Variants in FTO observed in about 807,000 individuals in gnomAD.
FTO encodes the protein FTO alpha-ketoglutarate dependent dioxygenase, also known as alpha-ketoglutarate-dependent dioxygenase FTO.
In FTO, 47 loss-of-function variants were observed where a neutral mutation model predicts 63.9. That is an observed-to-expected ratio of 0.74 (90% confidence interval 0.58 to 0.94). FTO has a LOEUF of 0.94. Among genes scored for constraint, FTO ranks in the 40% least tolerant of loss-of-function variants. The pLI, the probability that FTO is intolerant of heterozygous loss-of-function variation, is 0.00. For synonymous variants in FTO, 207 were observed against 224.4 expected (o/e 0.92, Z 0.69); for missense variants, 562 against 618.1 (o/e 0.91, Z 0.96).
intron 8 of FTO, among the ~76,000 whole-genome samples, chr16:54,081,079 T>C (rs879618901): frequency 2.6e-5 from 4 of 152,136 alleles, no homozygotes; most frequent in African/African-American, 4.8e-5. Context: ...GGATTTTTTT[T>C]CCCCCTTTTG....
chr16:53,750,372 G>T (rs779108781), intron 1 of FTO, among the ~76,000 whole-genome samples: 5 of 151,848 alleles, frequency 3.3e-5, no homozygotes, highest in Admixed American at 6.6e-5. Context: ...TGAGTAACTG[G>T]GATTACAGGT....
At chr16:54,066,363 A>G (rs924296934) in intron 8 of FTO, among the ~76,000 whole-genome samples, 1 of 152,158 alleles carries the variant, frequency 6.6e-6, no homozygotes, top group Non-Finnish European at 1.5e-5. Flanking sequence ...AGCCCTTCCA[A>G]CTTTTAGACC....
intron 5 of FTO, among the ~76,000 whole-genome samples, chr16:53,878,885 G>A (rs2080742924): frequency 1.3e-5 from 2 of 152,194 alleles, no homozygotes; most frequent in African/African-American, 2.4e-5. Flanking sequence ...GTGCCTTGAG[G>A]GCTTAAGCCA....
chr16:53,933,709 A>G (rs2082329184), intron 7 of FTO, among the ~76,000 whole-genome samples: 1 of 152,124 alleles, frequency 6.6e-6, no homozygotes, highest in South Asian at 2.1e-4. Flanking sequence ...GAAAAAAAAA[A>G]TCGTTGGTGT....
intron 4 of FTO, among the ~76,000 whole-genome samples, chr16:53,853,115 A>G (rs1044208437): frequency 7.9e-5 from 12 of 152,210 alleles, no homozygotes; most frequent in Admixed American, 2.0e-4. Flanking sequence ...CAACATGGCG[A>G]AACCCCATCT....
chr16:53,707,477 C>T (rs867209874), intron 1 of FTO, among the ~76,000 whole-genome samples: 148 of 152,242 alleles, frequency 9.7e-4, no homozygotes, highest in African/African-American at 3.2e-3. Flanking sequence ...TCACACGTGC[C>T]GGGTTTTTGG....
intron 8 of FTO, among the ~76,000 whole-genome samples, chr16:53,975,804 A>G (rs1221086634): frequency 6.6e-6 from 1 of 152,204 alleles, no homozygotes; most frequent in Non-Finnish European, 1.5e-5. Flanking sequence ...TCACCCAAGC[A>G]ATGAAGATTT....
chr16:53,738,457 C>T (rs907803012), intron 1 of FTO, among the ~76,000 whole-genome samples: 1 of 152,112 alleles, frequency 6.6e-6, no homozygotes, highest in African/African-American at 2.4e-5. Context: ...AATAATATTC[C>T]ATTATATGGA....
intron 1 of FTO, among the ~76,000 whole-genome samples, chr16:53,718,593 T>C (rs1189388327): frequency 1.3e-5 from 2 of 152,148 alleles, no homozygotes; most frequent in African/African-American, 2.4e-5. Flanking sequence ...TCAACAGTTA[T>C]ACTTCGGGAT....
chr16:54,047,113 G>A (rs2085187628), intron 8 of FTO, among the ~76,000 whole-genome samples: 1 of 108,140 alleles, frequency 9.2e-6, no homozygotes, highest in South Asian at 4.0e-4. Flanking sequence ...TGACAAATGG[G>A]ATCTAATTAA....
At chr16:54,044,811 A>G (rs1358204309) in intron 8 of FTO, among the ~76,000 whole-genome samples, 8 of 82,606 alleles carry the variant, frequency 9.7e-5, no homozygotes, top group Non-Finnish European at 1.4e-4. Flanking sequence ...ATCTCACTCA[A>G]AGCCGCTCAA....
At position 53,803,490 on chromosome 16, in the gene FTO, G is replaced by A. The variant is rs74679663; in HGVS notation, c.46-6650G>A. On this transcript the variant is annotated intron_variant, in intron 1 of 8. Coordinates refer to ENST00000471389, the MANE Select transcript of FTO (RefSeq NM_001080432.3). ...GCCAGGACTTGAGGGTCCAAGAGCA[G>A]TGGCTGTAAGTATTGGTTTTAAAAA... is the stretch of plus-strand genomic sequence containing the variant. Among the ~76,000 whole-genome samples, 222 of 152,364 alleles carry A rather than the reference G, an allele frequency of 1.5e-3. 1 individual carries two copies. Among genetic ancestry groups the A allele is most frequent in the Admixed American group, 2.6e-3 (40 of 15,304 alleles).
chr16:53,971,168 T>A (rs2083308687), intron 8 of FTO, among the ~76,000 whole-genome samples: 1 of 152,236 alleles, frequency 6.6e-6, no homozygotes, highest in Non-Finnish European at 1.5e-5. Context: ...ATATGCAAAA[T>A]CATTTCCTTA....
chr16:54,092,984 T>A (rs191909009), intron 8 of FTO, among the ~76,000 whole-genome samples: 1 of 152,236 alleles, frequency 6.6e-6, no homozygotes, highest in Non-Finnish European at 1.5e-5. Context: ...TTAGAGGTAG[T>A]TGCATTGTAA....
At chr16:53,909,532 C>CTTTTTTT (rs58121446) in intron 7 of FTO, among the ~76,000 whole-genome samples, 23 of 71,184 alleles carry the variant, frequency 3.2e-4, no homozygotes, top group African/African-American at 1.6e-3. Flanking sequence ...AGAGCCCCGC[C>CTTTTTTT]TTTTTTTTTT....
intron 8 of FTO, among the ~76,000 whole-genome samples, chr16:53,942,749 T>A (rs2082560776): frequency 6.6e-6 from 1 of 152,216 alleles, no homozygotes. Flanking sequence ...GAGGATGGGC[T>A]GTGGGATAAT....
At chr16:53,790,288 G>A (rs2077874523) in intron 1 of FTO, among the ~76,000 whole-genome samples, 1 of 151,750 alleles carries the variant, frequency 6.6e-6, no homozygotes, top group South Asian at 2.1e-4. Context: ...CTTGTTTCTA[G>A]CTTCCCCCAG....
chr16:53,922,426 G>A (rs2082028610), intron 7 of FTO, among the ~76,000 whole-genome samples: 1 of 152,128 alleles, frequency 6.6e-6, no homozygotes, highest in South Asian at 2.1e-4. Flanking sequence ...CATATATGGT[G>A]TCTTCTGGTG....
intron 1 of FTO, among the ~76,000 whole-genome samples, chr16:53,729,408 T>G (rs1461170202): frequency 1.3e-5 from 2 of 151,672 alleles, no homozygotes; most frequent in Non-Finnish European, 2.9e-5. Context: ...GTGCCTGTAT[T>G]CTAGCTACTC....
Sources: gnomAD v4.1 joint callset for allele counts (sites outside exome capture counted in the v4.1 genomes callset) on GRCh38, gnomAD v4.1.1 for gene constraint, MANE v1.5 for transcripts, NCBI Gene and HGNC (gene_info 2026-07-23, HGNC 2026-07-21) for gene names.